The following PPP1R21 variants were observed in gnomAD, a reference collection of about 807,000 sequenced individuals.
The protein encoded by PPP1R21 is KLRAQ motif containing 1.
PPP1R21 carries 85 observed loss-of-function variants against 112.8 expected under a neutral mutation model. That is an observed-to-expected ratio of 0.75 (90% CI 0.63 to 0.90). PPP1R21 has a LOEUF of 0.90. Ranked by LOEUF, PPP1R21 falls within the 40% of genes least tolerant of loss-of-function variation. PPP1R21 has a pLI of 0.00. For missense variants in PPP1R21, 1,199 were observed against 901.5 expected (o/e 1.33, Z -4.23); for synonymous variants, 381 against 322.3 (o/e 1.18, Z -1.95).
chr2:48,508,206 A>G (rs980213676), intron 19 of PPP1R21, among the ~76,000 whole-genome samples: 2 of 152,252 alleles, frequency 1.3e-5, no homozygotes, highest in Admixed American at 1.3e-4. Context: ...ATGGTAAGGT[A>G]GAATGGATGC....
rs774078646 is a variant in PPP1R21, at chr2:48,458,142, C to T, written c.290C>T (p.Ser97Phe). The change falls in exon 4 of 22, where the codon TCT (serine) becomes TTT (phenylalanine). Residue 97 changes from serine to phenylalanine, a missense_variant. Ser to Phe is a radical substitution (Grantham distance 155). Coordinates refer to ENST00000294952, the MANE Select transcript of PPP1R21 (RefSeq NM_001135629.3). ...GKKNKKSGES[S>F]SQLSQEQKSV... ...TTCCATCAGAAAAGTGGAGAATCTTCTTCTCAGTTGAGTCAAGAGCAGAAG... is the reference window on the plus strand; with the variant it reads ...TTCCATCAGAAAAGTGGAGAATCTTTTTCTCAGTTGAGTCAAGAGCAGAAG... 9 of 1,610,672 alleles carry T rather than the reference C, an allele frequency of 5.6e-6. No homozygotes were observed. In the South Asian group the frequency reaches 9.9e-5, roughly 18 times the overall value.
chr2:48,502,676 CTTTTTT>C (rs762811938), intron 17 of PPP1R21, among the ~76,000 whole-genome samples: 2 of 94,042 alleles, frequency 2.1e-5, no homozygotes, highest in Non-Finnish European at 4.2e-5. Context: ...AGAAACTTTT[CTTTTTT>C]TTTTTTTTTT....
At chr2:48,482,563 C>T (rs1371510721) in intron 13 of PPP1R21, among the ~76,000 whole-genome samples, 1 of 151,340 alleles carries the variant, frequency 6.6e-6, no homozygotes, top group African/African-American at 2.4e-5. Flanking sequence ...AGTAATATAT[C>T]ATCTAGACAT....
Position 48,479,845 on chromosome 2 carries a change from A to C in PPP1R21, c.1226-79A>C, listed in dbSNP as rs572114828. The C allele has an allele frequency of 6.8e-5, 60 of 887,638 alleles. No homozygotes were observed. In the African/African-American group the frequency reaches 9.7e-4, roughly 14 times the overall value. The allele number at this position is 887,638 out of a possible 1,614,324, so 55.0% of individuals were successfully genotyped here. On this transcript the variant is annotated intron_variant, in intron 12 of 21. Coordinates refer to ENST00000294952, the MANE Select transcript of PPP1R21 (RefSeq NM_001135629.3). Reference sequence around the variant, plus strand: ...ACATTACAACCAATCTTCATTCTCTATCTTCCCAAAAGTAGAGGGATACAA... The same window carrying C: ...ACATTACAACCAATCTTCATTCTCTCTCTTCCCAAAAGTAGAGGGATACAA...
chr2:48,515,216 T>TTCTTTC lies in PPP1R21; in HGVS notation c.*475_*476insTTCTCT, dbSNP rs1553350047. 2.2e-5 allele frequency: 3 copies of TTCTTTC among 136,890 alleles called. No individual in the cohort carries two copies. The highest frequency in any genetic ancestry group is 8.5e-5 in the African/African-American group (3 of 35,424). 8.5% of individuals were successfully genotyped at this position (136,890 alleles called of 1,614,324 possible). A position where few individuals can be genotyped will look rare whatever the true frequency, so the allele number is the denominator to read the frequency against. ...TTCTTTTTAAAAGATTTGTTCATAT[T>TTCTTTC]TCTCTCTCTCTCTCTCTCTCTCTCT... On this transcript the variant is annotated 3_prime_UTR_variant, in exon 22 of 22. Coordinates refer to ENST00000294952, the MANE Select transcript of PPP1R21 (RefSeq NM_001135629.3).
intron 15 of PPP1R21, among the ~76,000 whole-genome samples, chr2:48,493,742 C>T (rs1669675966): frequency 6.6e-6 from 1 of 151,990 alleles, no homozygotes; most frequent in Non-Finnish European, 1.5e-5. Flanking sequence ...CATCTTTTCT[C>T]CATTCAGTTA....
intron 1 of PPP1R21, among the ~76,000 whole-genome samples, chr2:48,448,084 CA>C (rs1204364775): frequency 1.3e-5 from 2 of 152,016 alleles, no homozygotes; most frequent in Non-Finnish European, 2.9e-5. Context: ...AGAAAAACAT[CA>C]AATGTTGCAA....
intron 16 of PPP1R21, among the ~76,000 whole-genome samples, chr2:48,497,804 G>A (rs1452335697): frequency 2.6e-5 from 4 of 151,832 alleles, no homozygotes; most frequent in Admixed American, 6.6e-5. Context: ...GGCGCCCGCC[G>A]CCACACCTGG....
rs376898770 is a variant in PPP1R21, at chr2:48,458,189, C to G, written c.337C>G (p.Gln113Glu). 8.7e-6 allele frequency: 14 copies of G among 1,611,798 alleles called. No individual in the cohort carries two copies. The highest frequency in any genetic ancestry group is 1.1e-5 in the Non-Finnish European group (13 of 1,178,616). ...GAAGAGTGTCTTTGATGAAGATCTG[C>G]AAAAGAAGATAGAAGAGAATGAACG... is the stretch of plus-strand genomic sequence containing the variant. ...EQKSVFDEDL[Q>E]KKIEENERLH... The change falls in exon 4 of 22, where the codon CAA becomes GAA. Residue 113 changes from glutamine (Q) to glutamate (E), a missense_variant. Gln to Glu is a conservative substitution (Grantham distance 29). Coordinates refer to ENST00000294952, the MANE Select transcript of PPP1R21 (RefSeq NM_001135629.3).
rs371135417 is a variant in PPP1R21, at chr2:48,483,331, G to A, written c.1319-3300G>A. Among the ~76,000 whole-genome samples, 52 of 150,826 alleles carry A rather than the reference G, an allele frequency of 3.4e-4. 7 individuals carry two copies. The highest frequency in any genetic ancestry group is 2.4e-3 in the East Asian group (12 of 5,080). ...TGAGTAGCTGGGACTACAGGTGTGCGTCACCATGCCGGCTAATTTTTTTGT... is the reference window on the plus strand; with the variant it reads ...TGAGTAGCTGGGACTACAGGTGTGCATCACCATGCCGGCTAATTTTTTTGT... On this transcript the variant is annotated intron_variant, in intron 13 of 21. Transcript: ENST00000294952.
rs988826349 is a variant in PPP1R21 at position 48,488,368 on chromosome 2, C to CT, written c.1446+1626dup. Among the ~76,000 whole-genome samples the CT allele has an allele frequency of 2.5e-3, 349 of 141,564 alleles. 1 individual carries two copies. The highest frequency in any genetic ancestry group is 7.2e-3 in the Middle Eastern group (2 of 276). 92.9% of individuals were successfully genotyped at this position (141,564 alleles called of 152,430 possible). On this transcript the variant is annotated intron_variant, in intron 14 of 21. Transcript: ENST00000294952. ...TTTTATGAGTCTCTGTATTTGCCAA[C>CT]TTTTTTTTTTTTTTTTGAGACGGAG...
At position 48,498,371 on chromosome 2, in the gene PPP1R21, C is replaced by CT. The variant is rs1669946009; in HGVS notation, c.1693-119dup. On this transcript the variant is annotated intron_variant, in intron 16 of 21. Coordinates refer to ENST00000294952, the MANE Select transcript of PPP1R21 (RefSeq NM_001135629.3). ...AATCTCTTCCTATTCGAGGGTCAAACTTTATTATTATATTTTTACCTCTGT... is the reference window on the plus strand; with the variant it reads ...AATCTCTTCCTATTCGAGGGTCAAACTTTTATTATTATATTTTTACCTCTGT... The CT allele has an allele frequency of 1.1e-5, 10 of 894,326 alleles. No homozygotes were observed. The South Asian group carries it at 1.8e-4, about 16-fold the overall frequency. 55.4% of individuals were successfully genotyped at this position (894,326 alleles called of 1,614,324 possible).
intron 7 of PPP1R21, among the ~76,000 whole-genome samples, chr2:48,464,305 C>A (rs1668106373): frequency 6.6e-6 from 1 of 152,124 alleles, no homozygotes; most frequent in Non-Finnish European, 1.5e-5. Context: ...GACTGAGAAC[C>A]TGGGCAGAGA....
chr2:48,463,459 G>T (rs1668067687), intron 7 of PPP1R21, among the ~76,000 whole-genome samples: 1 of 152,156 alleles, frequency 6.6e-6, no homozygotes, highest in Admixed American at 6.5e-5. Flanking sequence ...GGTGTAGGTG[G>T]ACACTAGATT....
chr2:48,473,491 C>CT (rs1442926378), intron 11 of PPP1R21, among the ~76,000 whole-genome samples: 1 of 152,138 alleles, frequency 6.6e-6, no homozygotes, highest in African/African-American at 2.4e-5. Context: ...CTTTCTTAAG[C>CT]TAAGATTTCT....
chr2:48,444,242 G>A (rs147390054), intron 1 of PPP1R21, among the ~76,000 whole-genome samples: 51 of 152,318 alleles, frequency 3.3e-4, no homozygotes, highest in African/African-American at 1.1e-3. Flanking sequence ...GGTCATTTGA[G>A]GTTCTTAATA....
In PPP1R21 at chr2:48,491,037, A is replaced by G; in HGVS notation, c.1466A>G (p.Asn489Ser). The G allele has an allele frequency of 3.7e-6, 6 of 1,614,150 alleles. No homozygotes were observed. The highest frequency in any genetic ancestry group is 5.1e-6 in the Non-Finnish European group (6 of 1,179,972). Residue 489 changes from asparagine (N) to serine (S), a missense_variant, in exon 15 of 22, where the codon AAC becomes AGC. Transcript: ENST00000294952. ...GAGKIASFFS[N>S]NLDYFIASLS... ...GTTTAGATTGCATCCTTCTTCAGCAACAATTTGGACTACTTCATTGCTTCA... is the reference window on the plus strand; with the variant it reads ...GTTTAGATTGCATCCTTCTTCAGCAGCAATTTGGACTACTTCATTGCTTCA...
chr2:48,472,778 T>C (rs11689285), intron 11 of PPP1R21, among the ~76,000 whole-genome samples: 14,066 of 151,620 alleles, frequency 0.093, 739 homozygotes, highest in Non-Finnish European at 0.12. Context: ...GGGAGACCTG[T>C]CTCTACTGAA....
At chr2:48,443,133 T>A (rs1257365307) in intron 1 of PPP1R21, among the ~76,000 whole-genome samples, 1 of 152,244 alleles carries the variant, frequency 6.6e-6, no homozygotes, top group Non-Finnish European at 1.5e-5. Flanking sequence ...GAGTGCCTGC[T>A]GTGTGCATGG....
Sources: allele counts gnomAD v4.1 joint callset (sites outside exome capture counted in the v4.1 genomes callset), GRCh38; gene constraint gnomAD v4.1.1; transcripts MANE v1.5; gene names NCBI Gene and HGNC (gene_info 2026-07-23, HGNC 2026-07-21).